Variants in MBD2 observed in about 807,000 individuals in gnomAD.
The protein encoded by MBD2 is methyl-CpG binding domain protein 2.
In MBD2, 9 loss-of-function variants were observed where a neutral mutation model predicts 39.3. The ratio of observed to expected loss-of-function variants is 0.23; its 90% CI spans 0.14 to 0.40. The LOEUF (loss-of-function observed/expected upper bound fraction) is 0.40. MBD2 is among the 10% of genes least tolerant of loss of function. MBD2 has a pLI of 1.00. For synonymous variants in MBD2, 233 were observed against 211.1 expected, an observed-to-expected ratio of 1.10 and a Z score of -0.90; for missense variants, 458 against 532.6, an observed-to-expected ratio of 0.86 and a Z score of 1.38.
intron 2 of MBD2, among the ~76,000 whole-genome samples, chr18:54,191,860 C>T (rs1375425998): frequency 6.6e-6 from 1 of 152,150 alleles, no homozygotes; most frequent in Non-Finnish European, 1.5e-5. Context: ...ATGCTCATCT[C>T]AAATGACTAA....
intron 3 of MBD2, among the ~76,000 whole-genome samples, chr18:54,183,773 T>C (rs987849130): frequency 5.9e-5 from 9 of 152,050 alleles, no homozygotes; most frequent in African/African-American, 2.2e-4. Context: ...AAGTGGATAA[T>C]TTTTTTTAAG....
At chr18:54,181,509 C>CT (rs1003770665) in intron 3 of MBD2, among the ~76,000 whole-genome samples, 107 of 151,806 alleles carry the variant, frequency 7.0e-4, no homozygotes, top group African/African-American at 2.4e-3. Context: ...TTATTTTATT[C>CT]TTTTTTTTAA....
rs375934658 is a variant in MBD2, at chr18:54,169,314, C to T, written c.841-3148G>A. The stretch of plus-strand genomic sequence containing the variant: ...CTTTATTAGCCCACCCCCTTTCTAG[C>T]CAACTTGCACTAAACGTACTCCAAT... On this transcript the variant is annotated intron_variant, in intron 3 of 6. Transcript: ENST00000256429. Among the ~76,000 whole-genome samples, 65 of 152,222 alleles carry T rather than the reference C, an allele frequency of 4.3e-4. No homozygotes were observed. The East Asian group carries it at 0.012, about 28-fold the overall frequency.
At chr18:54,172,342 T>C (rs1300514724) in intron 3 of MBD2, among the ~76,000 whole-genome samples, 3 of 152,164 alleles carry the variant, frequency 2.0e-5, no homozygotes, top group Non-Finnish European at 2.9e-5. Flanking sequence ...AACATGAAAT[T>C]GTTATTTGGT....
chr18:54,167,963 A>C (rs985077136), intron 3 of MBD2, among the ~76,000 whole-genome samples: 1 of 150,848 alleles, frequency 6.6e-6, no homozygotes, highest in Admixed American at 6.6e-5. Context: ...AAAAAAAAAA[A>C]GGAAAACAAA....
intron 3 of MBD2, among the ~76,000 whole-genome samples, chr18:54,187,013 A>T (rs923948624): frequency 6.6e-6 from 1 of 152,358 alleles, no homozygotes; most frequent in Non-Finnish European, 1.5e-5. Context: ...TGGTTATTTC[A>T]ACTTTAAAAC....
At chr18:54,202,990 A>C (rs1205976352) in intron 2 of MBD2, 1 of 1,036,368 alleles carries the variant, frequency 9.6e-7, no homozygotes, top group East Asian at 2.4e-5. Context: ...GTAGGAGTTC[A>C]CCAGATGAAG....
At chr18:54,184,667 A>G (rs1242525220) in intron 3 of MBD2, among the ~76,000 whole-genome samples, 1 of 152,238 alleles carries the variant, frequency 6.6e-6, no homozygotes, top group Non-Finnish European at 1.5e-5. Flanking sequence ...TATTGTTAGA[A>G]AATATTTTTT....
chr18:54,198,816 T>C (rs955126603), intron 2 of MBD2, among the ~76,000 whole-genome samples: 1 of 152,220 alleles, frequency 6.6e-6, no homozygotes, highest in Non-Finnish European at 1.5e-5. Context: ...ACTGGTTCCT[T>C]CCAAGCTGAC....
chr18:54,218,658 G>C (rs1030428646), intron 1 of MBD2, among the ~76,000 whole-genome samples: 4 of 152,096 alleles, frequency 2.6e-5, no homozygotes, highest in African/African-American at 9.7e-5. Flanking sequence ...TGTTTCATAG[G>C]GTTATAAGAA....
rs117759999 is a variant in MBD2, at chr18:54,213,286, G to T, written c.543-8129C>A. Reference sequence around the variant, plus strand: ...TCGTGTCAGATCAGTGGCAGCTTTAGATTCTCATAGGAGCATGAACCCTAC... The same window carrying T: ...TCGTGTCAGATCAGTGGCAGCTTTATATTCTCATAGGAGCATGAACCCTAC... On this transcript the variant is annotated intron_variant, in intron 1 of 6. Transcript: ENST00000256429. Among the ~76,000 whole-genome samples, 701 of 152,234 alleles carry T rather than the reference G, an allele frequency of 4.6e-3. 14 individuals are homozygous for T. The East Asian group carries it at 0.065, about 14-fold the overall frequency.
At chr18:54,176,604 G>C (rs1346014995) in intron 3 of MBD2, among the ~76,000 whole-genome samples, 1 of 152,216 alleles carries the variant, frequency 6.6e-6, no homozygotes, top group Non-Finnish European at 1.5e-5. Flanking sequence ...GATGAATGGT[G>C]TTTCCTGCCA....
At chr18:54,199,426 T>G (rs1468020941) in intron 2 of MBD2, among the ~76,000 whole-genome samples, 2 of 152,244 alleles carry the variant, frequency 1.3e-5, no homozygotes, top group African/African-American at 4.8e-5. Context: ...ATTCATTTAA[T>G]TCATGGACCT....
chr18:54,192,988 C>A (rs993209390), intron 2 of MBD2, among the ~76,000 whole-genome samples: 1 of 152,110 alleles, frequency 6.6e-6, no homozygotes, highest in African/African-American at 2.4e-5. Context: ...ATTTTTTCTC[C>A]TTTTAACTGG....
intron 3 of MBD2, among the ~76,000 whole-genome samples, 187 bp from the exon 4 acceptor site, chr18:54,166,353 G>A (rs2086132185): frequency 6.6e-6 from 1 of 152,090 alleles, no homozygotes; most frequent in Admixed American, 6.5e-5. Flanking sequence ...CCTCTCAGAT[G>A]GCATTGCTCA....
chr18:54,173,403 G>A (rs942932800), intron 3 of MBD2, among the ~76,000 whole-genome samples: 8 of 152,168 alleles, frequency 5.3e-5, no homozygotes, highest in Admixed American at 2.0e-4. Context: ...TTAAGCACAA[G>A]GCCCTGTGTA....
rs2086437879 is a variant in MBD2, at chr18:54,204,989, T to G, written c.702+9A>C. On this transcript the variant is annotated intron_variant, in intron 2 of 6. Transcript: ENST00000256429. ...GTAGCATATACATGCGATAAGTAAA[T>G]TAACCAACCTTATTTTGATTGAGAG... The G allele has an allele frequency of 1.2e-6, 2 of 1,610,868 alleles. No individual in the cohort carries two copies. Among genetic ancestry groups the G allele is most frequent in the Non-Finnish European group, 1.7e-6 (2 of 1,178,766 alleles).
At chr18:54,217,954 A>T (rs72927031) in intron 1 of MBD2, among the ~76,000 whole-genome samples, 3,084 of 152,354 alleles carry the variant, frequency 0.02, 48 homozygotes, top group Middle Eastern at 0.044. Flanking sequence ...GCTAAGGAAG[A>T]TATATCAGAG....
intron 3 of MBD2, among the ~76,000 whole-genome samples, chr18:54,175,367 A>G (rs1165368436): frequency 1.3e-5 from 2 of 152,224 alleles, no homozygotes; most frequent in African/African-American, 4.8e-5. Context: ...CTCTATGAAC[A>G]TCGTCCTTTC....
Sources: allele counts gnomAD v4.1 joint callset (sites outside exome capture counted in the v4.1 genomes callset), GRCh38; gene constraint gnomAD v4.1.1; transcripts MANE v1.5; gene names NCBI Gene and HGNC (gene_info 2026-07-23, HGNC 2026-07-21).